Variants in SUMF1 observed in about 807,000 individuals in gnomAD.
SUMF1 encodes the protein formylglycine-generating enzyme.
Under a neutral mutation model 47.6 loss-of-function variants are expected in SUMF1, and 48 were observed. The ratio of observed to expected loss-of-function variants is 1.01; its 90% confidence interval spans 0.80 to 1.28. The LOEUF is 1.28. Ranked by LOEUF, SUMF1 falls within the 50% of genes most tolerant of loss-of-function variation. SUMF1 has a pLI of 0.00. For synonymous variants in SUMF1, 230 were observed against 192.1 expected, an observed-to-expected ratio of 1.20 and a Z score of -1.63; for missense variants, 571 against 485.4, an observed-to-expected ratio of 1.18 and a Z score of -1.66.
chr3:4,202,123 C>G (rs1300927689), intron 8 of SUMF1, among the ~76,000 whole-genome samples: 1 of 151,960 alleles, frequency 6.6e-6, no homozygotes, highest in East Asian at 1.9e-4. Flanking sequence ...TCTCATTTGT[C>G]CATTTTTGCT....
chr3:4,056,489 C>T (rs1227552520), intron 9 of SUMF1, among the ~76,000 whole-genome samples: 1 of 152,028 alleles, frequency 6.6e-6, no homozygotes, highest in African/African-American at 2.4e-5. Flanking sequence ...GCCTGGGCCG[C>T]ATAGTGAGAC....
intron 6 of SUMF1, among the ~76,000 whole-genome samples, chr3:4,412,897 A>C (rs1701590634): frequency 6.6e-6 from 1 of 152,182 alleles, no homozygotes; most frequent in African/African-American, 2.4e-5. Flanking sequence ...TCAAACAAAC[A>C]AACAAAAACA....
intron 8 of SUMF1, among the ~76,000 whole-genome samples, chr3:4,281,830 G>A (rs1043733383): frequency 3.9e-5 from 6 of 151,946 alleles, no homozygotes; most frequent in African/African-American, 7.3e-5. Context: ...GAACAGGAGT[G>A]GAAATGAGAC....
At chr3:4,242,530 T>C (rs1018095214) in intron 8 of SUMF1, among the ~76,000 whole-genome samples, 3 of 152,212 alleles carry the variant, frequency 2.0e-5, no homozygotes, top group Non-Finnish European at 1.5e-5. Context: ...ATTGAGATAA[T>C]CATGTGGTTT....
chr3:4,106,846 A>T (rs1160193576), intron 8 of SUMF1, among the ~76,000 whole-genome samples: 1 of 152,166 alleles, frequency 6.6e-6, no homozygotes, highest in Non-Finnish European at 1.5e-5. Flanking sequence ...TTTACCCTAG[A>T]TAAACATAGG....
intron 8 of SUMF1, among the ~76,000 whole-genome samples, chr3:4,104,325 G>A (rs926899675): frequency 1.3e-5 from 2 of 152,122 alleles, no homozygotes; most frequent in Non-Finnish European, 2.9e-5. Flanking sequence ...CCCCAGTCAT[G>A]TGGAATTGTG....
In SUMF1 at chr3:4,307,551, C is replaced by T. The variant is rs567614134; in HGVS notation, c.1014+68779G>A. On this transcript the variant is annotated intron_variant and NMD_transcript_variant, in intron 8 of 12. Transcript: ENST00000448413. ...TTGTTGCAGACAGGAATAGCCAAGA[C>T]AAGAGTGTATTTTCTCTTAAGTTTT... Among the ~76,000 whole-genome samples the T allele has an allele frequency of 2.2e-4, 34 of 152,276 alleles. 1 individual carries two copies. Among genetic ancestry groups the T allele is most frequent in the African/African-American group, 7.9e-4 (33 of 41,564 alleles).
intron 8 of SUMF1, among the ~76,000 whole-genome samples, chr3:4,234,866 C>A (rs1696374887): frequency 6.6e-6 from 1 of 152,076 alleles, no homozygotes; most frequent in Non-Finnish European, 1.5e-5. Flanking sequence ...ATTCGTTTAG[C>A]AAGAAGTGGG....
At chr3:4,257,430 A>C (rs2125018669) in intron 8 of SUMF1, among the ~76,000 whole-genome samples, 1 of 148,246 alleles carries the variant, frequency 6.7e-6, no homozygotes, top group South Asian at 2.2e-4. Context: ...ATACAAAATC[A>C]ATGTACAAAA....
intron 8 of SUMF1, among the ~76,000 whole-genome samples, chr3:4,236,942 G>T (rs1696422691): frequency 6.6e-6 from 1 of 152,008 alleles, no homozygotes; most frequent in African/African-American, 2.4e-5. Flanking sequence ...ATCTTTTACT[G>T]TCTTCATACT....
intron 8 of SUMF1, among the ~76,000 whole-genome samples, chr3:4,238,876 C>G (rs1696473426): frequency 1.3e-5 from 2 of 151,954 alleles, no homozygotes. Flanking sequence ...TGGTATTGCC[C>G]AGGTTTTCTT....
chr3:4,183,763 G>T (rs571719889), intron 8 of SUMF1, among the ~76,000 whole-genome samples: 12 of 152,244 alleles, frequency 7.9e-5, no homozygotes, highest in African/African-American at 2.6e-4. Flanking sequence ...AAAACCAATG[G>T]AAGGTGGCTA....
intron 8 of SUMF1, among the ~76,000 whole-genome samples, chr3:4,262,262 C>G (rs1372995586): frequency 6.6e-6 from 1 of 152,104 alleles, no homozygotes; most frequent in Non-Finnish European, 1.5e-5. Context: ...ATGGAGAGAG[C>G]TGGGCCTAAC....
At chr3:4,071,166 C>T (rs142175261) in intron 8 of SUMF1, among the ~76,000 whole-genome samples, 3 of 152,030 alleles carry the variant, frequency 2.0e-5, no homozygotes, top group Non-Finnish European at 2.9e-5. Context: ...TTAAAACTGG[C>T]ATTAGGAGGT....
intron 8 of SUMF1, among the ~76,000 whole-genome samples, chr3:4,188,410 G>A (rs1000149429): frequency 6.6e-6 from 1 of 152,022 alleles, no homozygotes; most frequent in African/African-American, 2.4e-5. Context: ...GCATCATACA[G>A]AATATTTTCA....
At chr3:4,405,560 G>C (rs1048596878) in intron 7 of SUMF1, among the ~76,000 whole-genome samples, 1 of 152,024 alleles carries the variant, frequency 6.6e-6, no homozygotes, top group African/African-American at 2.4e-5. Flanking sequence ...CTAACTTTTT[G>C]TGTTTTTTGT....
intron 8 of SUMF1, among the ~76,000 whole-genome samples, chr3:4,350,996 G>A (rs369994535): frequency 3.3e-5 from 5 of 151,686 alleles, no homozygotes; most frequent in Admixed American, 3.3e-4. Context: ...ACTAGAGGGA[G>A]AACATCACAC....
At chr3:4,055,065 C>T (rs1476437201) in intron 9 of SUMF1, among the ~76,000 whole-genome samples, 3 of 152,104 alleles carry the variant, frequency 2.0e-5, no homozygotes, top group East Asian at 1.9e-4. Context: ...CTTCTCACTG[C>T]GTGTTGTTGA....
chr3:4,272,992 G>A lies in SUMF1; in HGVS notation c.1014+103338C>T, dbSNP rs538514341. ...CAGGAGGCCAAGGCAGGAGGAATTC[G>A]AGGCTACTGTGAGCTATGATCATGC... On this transcript the variant is annotated intron_variant and NMD_transcript_variant, in intron 8 of 12. Coordinates refer to the SUMF1 transcript ENST00000448413. Among the ~76,000 whole-genome samples, 10 of 151,880 alleles carry A rather than the reference G, an allele frequency of 6.6e-5. No homozygotes were observed. In the South Asian group the frequency reaches 1.0e-3, roughly 16 times the overall value.
Sources: allele counts gnomAD v4.1 joint callset (sites outside exome capture counted in the v4.1 genomes callset), GRCh38; gene constraint gnomAD v4.1.1; transcripts MANE v1.5; gene names NCBI Gene and HGNC (gene_info 2026-07-23, HGNC 2026-07-21).